ANO6: variants seen among roughly 807,000 people sequenced by gnomAD.
ANO6 encodes anoctamin 6, also known as anoctamin-6.
ANO6 carries 106 observed loss-of-function variants against 117.5 expected under a neutral mutation model. The ratio of observed to expected loss-of-function variants is 0.90; its 90% CI spans 0.77 to 1.06. The LOEUF (loss-of-function observed/expected upper bound fraction) is 1.06, where lower values mean the gene tolerates loss of function less well. ANO6 is among the 50% of genes least tolerant of loss of function. ANO6 has a pLI of 0.00. For synonymous variants in ANO6, 367 were observed against 385.1 expected (o/e 0.95, Z 0.55); for missense variants, 955 against 1,121.1 (o/e 0.85, Z 2.12).
intron 2 of ANO6, 62 bp from the exon 3 acceptor site, chr12:45,331,233 C>A: frequency 1.4e-6 from 2 of 1,436,194 alleles, no homozygotes; most frequent in Non-Finnish European, 1.9e-6. Context: ...AAAATTAACA[C>A]TTATAAGTCA....
At chr12:45,271,544 T>C (rs1048422143) in intron 1 of ANO6, among the ~76,000 whole-genome samples, 1 of 152,236 alleles carries the variant, frequency 6.6e-6, no homozygotes, top group Non-Finnish European at 1.5e-5. Flanking sequence ...TGGATTAATA[T>C]GTTTTGTCTT....
intron 12 of ANO6, among the ~76,000 whole-genome samples, chr12:45,398,312 A>G (rs1452265944): frequency 6.6e-6 from 1 of 152,222 alleles, no homozygotes; most frequent in African/African-American, 2.4e-5. Flanking sequence ...CTCAATAGTG[A>G]TTAAATCCAC....
At chr12:45,439,901 C>A in exon 20 of ANO6, 1 of 1,509,366 alleles carries the variant, frequency 6.6e-7, no homozygotes, top group Non-Finnish European at 8.9e-7. Flanking sequence ...TCTTTGGGGC[C>A]AACTCCGTGT....
At chr12:45,374,820 T>C (rs551330708) in intron 9 of ANO6, among the ~76,000 whole-genome samples, 2 of 152,186 alleles carry the variant, frequency 1.3e-5, no homozygotes, top group Admixed American at 1.3e-4. Context: ...GTCTCACCAC[T>C]CCTATTCAAC....
chr12:45,247,718 G>GGA (rs1005194689), intron 1 of ANO6, among the ~76,000 whole-genome samples: 6 of 152,130 alleles, frequency 3.9e-5, no homozygotes, highest in Admixed American at 3.3e-4. Flanking sequence ...TCCACATGAT[G>GGA]GAGAGAGAGA....
intron 9 of ANO6, among the ~76,000 whole-genome samples, chr12:45,375,610 T>C (rs1396957505): frequency 6.6e-6 from 1 of 152,160 alleles, no homozygotes; most frequent in African/African-American, 2.4e-5. Flanking sequence ...GGGGAAAGGA[T>C]TCCCTATTTA....
chr12:45,413,521 C>T (rs957717453), intron 16 of ANO6, among the ~76,000 whole-genome samples: 27 of 152,196 alleles, frequency 1.8e-4, no homozygotes, highest in Admixed American at 5.2e-4. Context: ...GGTGAGGCCA[C>T]GAGGGTGAAT....
chr12:45,418,350 T>C (rs1029633461), intron 17 of ANO6, among the ~76,000 whole-genome samples: 1 of 152,162 alleles, frequency 6.6e-6, no homozygotes. Flanking sequence ...GGTATGTCAG[T>C]TTCCTTTCAC....
chr12:45,378,118 G>GTTTTT lies in ANO6; in HGVS notation c.1165+17_1165+21dup. 7 of 1,501,758 alleles carry GTTTTT rather than the reference G, an allele frequency of 4.7e-6. No individual in the cohort carries two copies. Among genetic ancestry groups the GTTTTT allele is most frequent in the Admixed American group, 1.8e-5 (1 of 54,772 alleles). The allele number at this position is 1,501,758 out of a possible 1,614,324, so 93.0% of individuals were successfully genotyped here. On this transcript the variant is annotated splice_donor_region_variant and intron_variant, in intron 10 of 19. Transcript: ENST00000320560. ...CAGTATTTATGGGAGTATGGGGTAA[G>GTTTTT]TTTTTTTTTTTTTTTTCATGCACTC...
chr12:45,303,104 G>A (rs1939551822), intron 2 of ANO6, among the ~76,000 whole-genome samples: 1 of 152,282 alleles, frequency 6.6e-6, no homozygotes, highest in South Asian at 2.1e-4. Flanking sequence ...ACTGAAAAGG[G>A]ATGGCACATA....
chr12:45,433,928 C>G (rs556454208), downstream of ANO6, among the ~76,000 whole-genome samples: 1 of 152,298 alleles, frequency 6.6e-6, no homozygotes, highest in East Asian at 1.9e-4. Context: ...TACAAATGCT[C>G]TTAATAGCAT....
intron 1 of ANO6, chr12:45,256,784 A>T (rs1937849971): frequency 6.6e-6 from 1 of 152,244 alleles, no homozygotes; most frequent in South Asian, 2.1e-4. Flanking sequence ...TATAAAATGT[A>T]TAAAATTATT....
At chr12:45,284,729 T>C (rs1342220685) in intron 1 of ANO6, among the ~76,000 whole-genome samples, 2 of 152,220 alleles carry the variant, frequency 1.3e-5, no homozygotes, top group Non-Finnish European at 2.9e-5. Context: ...TAAGACCTAC[T>C]GTAATGCTTA....
chr12:45,362,308 CTTT>C (rs1941575987), intron 8 of ANO6, among the ~76,000 whole-genome samples: 1 of 151,838 alleles, frequency 6.6e-6, no homozygotes, highest in African/African-American at 2.4e-5. Context: ...CCTTATAATC[CTTT>C]TTATTTTTGT....
intron 2 of ANO6, among the ~76,000 whole-genome samples, chr12:45,321,838 G>T (rs908468586): frequency 6.6e-6 from 1 of 152,034 alleles, no homozygotes; most frequent in African/African-American, 2.4e-5. Context: ...ATGCTGAATG[G>T]GTACTTCCAT....
At chr12:45,350,825 C>G in intron 7 of ANO6, 51 bp downstream of exon 7, 1 of 1,419,316 alleles carries the variant, frequency 7.0e-7, no homozygotes, top group East Asian at 2.3e-5. Flanking sequence ...GGTGTTACCC[C>G]CACAGCATCT....
chr12:45,363,277 A>G (rs1400935953), intron 8 of ANO6, among the ~76,000 whole-genome samples: 1 of 152,128 alleles, frequency 6.6e-6, no homozygotes, highest in Non-Finnish European at 1.5e-5. Context: ...AAGGTGTTCA[A>G]TCTGGGCTGA....
At chr12:45,292,627 C>T in intron 1 of ANO6, 1 of 1,133,390 alleles carries the variant, frequency 8.8e-7, no homozygotes, top group Non-Finnish European at 1.1e-6. Flanking sequence ...TAGTTGTTTC[C>T]AGCTCTTCCA....
At chr12:45,397,065 G>A (rs1942635619) in intron 12 of ANO6, among the ~76,000 whole-genome samples, 1 of 152,174 alleles carries the variant, frequency 6.6e-6, no homozygotes, top group Non-Finnish European at 1.5e-5. Context: ...GCAACCTACA[G>A]AATGGGAGAA....
Sources: gnomAD v4.1 joint callset for allele counts (sites outside exome capture counted in the v4.1 genomes callset) on GRCh38, gnomAD v4.1.1 for gene constraint, MANE v1.5 for transcripts, NCBI Gene and HGNC (gene_info 2026-07-23, HGNC 2026-07-21) for gene names.